Variants in SETD2 observed in about 807,000 individuals in gnomAD.
The protein encoded by SETD2 is histone-lysine N-methyltransferase SETD2.
A neutral mutation model predicts 242.1 loss-of-function variants in SETD2; 31 were observed. The ratio of observed to expected loss-of-function variants is 0.13; its 90% confidence interval spans 0.10 to 0.17. The LOEUF (loss-of-function observed/expected upper bound fraction) is 0.17, where lower values mean the gene tolerates loss of function less well. SETD2 is among the 10% of genes least tolerant of loss of function. The pLI is 1.00. For synonymous variants in SETD2, 1,006 were observed against 1,066.5 expected, an observed-to-expected ratio of 0.94 and a Z score of 1.11; for missense variants, 2,481 against 3,046.3, an observed-to-expected ratio of 0.81 and a Z score of 4.37.
At chr3:47,086,428 T>A in intron 10 of SETD2, 114 bp from the exon 11 acceptor site, 1 of 1,001,036 alleles carries the variant, frequency 1.0e-6, no homozygotes, top group Non-Finnish European at 1.4e-6. Context: ...TTCACTTACA[T>A]TCACAAAAAA....
intron 18 of SETD2, among the ~76,000 whole-genome samples, chr3:47,026,363 A>T (rs562430543): frequency 8.5e-5 from 13 of 152,350 alleles, no homozygotes; most frequent in Admixed American, 7.2e-4. Flanking sequence ...GTGGGAGTGT[A>T]AATTAGTTCA....
rs770011339 is a variant in SETD2 at position 47,056,964 on chromosome 3, C to G, written c.6820G>C (p.Asp2274His). ...ACACTGACAGACTGTTGGTTTGAATCCCAAACACTATAATTCTGTCCCTGA... is the reference window on the plus strand; with the variant it reads ...ACACTGACAGACTGTTGGTTTGAATGCCAAACACTATAATTCTGTCCCTGA... ...PVQGQNYSVW[D>H]SNQQSVSVQQ... The change falls in exon 15 of 21, where the codon GAT becomes CAT. Residue 2274 changes from aspartate (D) to histidine (H), a missense_variant. By Grantham distance (81) the Asp-to-His change is moderately conservative (BLOSUM62 -1). This residue lies in a region of SETD2 where 235 missense variants were observed against 293.9 expected (regional missense o/e 0.80). Transcript: ENST00000409792. 15 of 1,614,106 alleles carry G rather than the reference C, an allele frequency of 9.3e-6. No individual in the cohort carries two copies. The highest frequency in any genetic ancestry group is 4.4e-5 in the South Asian group (4 of 91,090).
intron 15 of SETD2, chr3:47,046,873 GT>G (rs2107550495): frequency 8.6e-6 from 2 of 232,942 alleles, no homozygotes; most frequent in East Asian, 1.6e-4. Flanking sequence ...TTTTTTTTTG[GT>G]CATAGAAATT....
At chr3:47,147,833 G>A (rs966955905) in intron 1 of SETD2, among the ~76,000 whole-genome samples, 5 of 145,114 alleles carry the variant, frequency 3.4e-5, no homozygotes, top group Admixed American at 7.2e-5. Context: ...TGAAGCAGGA[G>A]AATGGCATGA....
chr3:47,079,049 A>C (rs1388489982), intron 12 of SETD2, among the ~76,000 whole-genome samples: 1 of 152,146 alleles, frequency 6.6e-6, no homozygotes, highest in Non-Finnish European at 1.5e-5. Flanking sequence ...AAATGTTAAC[A>C]CTGGGGAATC....
chr3:47,056,686 T>C (rs1042478481), intron 15 of SETD2, 135 bp downstream of exon 15: 20 of 688,844 alleles, frequency 2.9e-5, no homozygotes, highest in East Asian at 5.4e-5. Flanking sequence ...TTTCACACAA[T>C]AGATAACCAA....
chr3:47,156,103 C>T (rs938406922), intron 1 of SETD2, among the ~76,000 whole-genome samples: 10 of 152,154 alleles, frequency 6.6e-5, no homozygotes, highest in African/African-American at 1.2e-4. Context: ...AGCAGAGCCA[C>T]GTAATAGATT....
At chr3:47,073,292 G>T (rs1165768500) in intron 12 of SETD2, among the ~76,000 whole-genome samples, 1 of 152,144 alleles carries the variant, frequency 6.6e-6, no homozygotes, top group African/African-American at 2.4e-5. Flanking sequence ...CAGGTAAAAG[G>T]CATTCTAGGA....
intron 11 of SETD2, among the ~76,000 whole-genome samples, chr3:47,084,945 G>T (rs1282191414): frequency 6.7e-6 from 1 of 149,912 alleles, no homozygotes; most frequent in East Asian, 2.0e-4. Flanking sequence ...TGGTCAGGCT[G>T]GTCTTGAACT....
At chr3:47,046,272 G>A (rs1313691716) in intron 16 of SETD2, among the ~76,000 whole-genome samples, 4 of 151,012 alleles carry the variant, frequency 2.6e-5, no homozygotes, top group Non-Finnish European at 5.9e-5. Context: ...AGGAGGTGGA[G>A]GTTGCAGTGA....
chr3:47,163,724 C>A (rs1283194972), intron 1 of SETD2, 130 bp downstream of exon 1: 2 of 934,512 alleles, frequency 2.1e-6, no homozygotes, highest in Non-Finnish European at 2.8e-6. Flanking sequence ...CTCCCGACAC[C>A]GACCGCGCGA....
At chr3:47,114,362 TTCTAC>T (rs1323527808) in intron 4 of SETD2, among the ~76,000 whole-genome samples, 1 of 152,228 alleles carries the variant, frequency 6.6e-6, no homozygotes, top group East Asian at 1.9e-4. Context: ...CTTCCCTTCC[TTCTAC>T]TCTAATCACT....
At position 47,103,331 on chromosome 3, in the gene SETD2, T is replaced by C; in HGVS notation, c.4917+15A>G. The C allele has an allele frequency of 6.4e-7, 1 of 1,569,372 alleles. No individual in the cohort carries two copies. Among genetic ancestry groups the C allele is most frequent in the Middle Eastern group, 1.7e-4 (1 of 5,986 alleles). ...GTGAACAAATACCTCAAACTCTAAA[T>C]CCACCTCAACTTACTTTTTGGGTTT... On this transcript the variant is annotated intron_variant, in intron 7 of 20. Coordinates refer to ENST00000409792, the MANE Select transcript of SETD2 (RefSeq NM_014159.7).
chr3:47,041,485 T>A, intron 17 of SETD2: 1 of 229,066 alleles, frequency 4.4e-6, no homozygotes, highest in Non-Finnish European at 9.1e-6. Context: ...ACTCTGTCTC[T>A]ACAAAAAAAA....
intron 12 of SETD2, among the ~76,000 whole-genome samples, chr3:47,067,404 A>T (rs896337412): frequency 4.4e-5 from 6 of 137,786 alleles, no homozygotes; most frequent in Non-Finnish European, 9.2e-5. Context: ...CTTCCTGAGC[A>T]TCTTTTTTTT....
chr3:47,142,544 G>T (rs1418058451), intron 1 of SETD2, among the ~76,000 whole-genome samples: 1 of 151,838 alleles, frequency 6.6e-6, no homozygotes, highest in East Asian at 1.9e-4. Flanking sequence ...AGGTCATAAT[G>T]AAGATCTCTG....
chr3:47,101,820 C>T (rs1315124498), intron 7 of SETD2, among the ~76,000 whole-genome samples: 1 of 151,192 alleles, frequency 6.6e-6, no homozygotes, highest in Non-Finnish European at 1.5e-5. Flanking sequence ...AAAGTAACTG[C>T]TAAAAAAAAG....
chr3:47,157,873 CA>C (rs1249370994), intron 1 of SETD2, among the ~76,000 whole-genome samples: 119 of 116,556 alleles, frequency 1.0e-3, no homozygotes, highest in Admixed American at 1.4e-3. Context: ...AACTCCATCT[CA>C]AAAAAAAAAA....
At position 47,123,626 on chromosome 3, in the gene SETD2, T is replaced by C. The variant is rs777214141; in HGVS notation, c.1010A>G (p.His337Arg). 3.9e-6 allele frequency: 6 copies of C among 1,550,166 alleles called. No individual in the cohort carries two copies. The highest frequency in any genetic ancestry group is 1.4e-5 in the African/African-American group (1 of 72,854). ...SVRTSSSQRS[H>R]DLKFSASIEK... ...AATGCTTGCTGAAAATTTTAAATCA[T>C]GTGATCTTTGACTTGAAGAAGTCCG... The change falls in exon 3 of 21, where the codon CAT becomes CGT. Residue 337 changes from histidine to arginine, a missense_variant. Coordinates refer to ENST00000409792, the MANE Select transcript of SETD2 (RefSeq NM_014159.7).
Sources: gnomAD v4.1 joint callset for allele counts (sites outside exome capture counted in the v4.1 genomes callset) on GRCh38, gnomAD v4.1.1 for gene constraint, gnomAD v4.1.1 regional missense constraint, MANE v1.5 for transcripts, NCBI Gene and HGNC (gene_info 2026-07-23, HGNC 2026-07-21) for gene names.